ZBTB8A: variants seen among roughly 807,000 people sequenced by gnomAD.
ZBTB8A encodes the protein zinc finger and BTB domain containing 8A.
ZBTB8A carries 19 observed loss-of-function variants against 37.8 expected under a neutral mutation model. That is an observed-to-expected ratio of 0.50 (90% confidence interval 0.35 to 0.74). The LOEUF (loss-of-function observed/expected upper bound fraction) is 0.74, where lower values mean the gene tolerates loss of function less well. ZBTB8A is among the 30% of genes least tolerant of loss of function. The pLI is 0.01. For missense variants in ZBTB8A, 394 were observed against 537.8 expected (o/e 0.73, Z 2.65); for synonymous variants, 181 against 185.2 (o/e 0.98, Z 0.19).
chr1:32,542,013 C>G (rs1416644766), intron 1 of ZBTB8A, among the ~76,000 whole-genome samples: 2 of 152,136 alleles, frequency 1.3e-5, no homozygotes, highest in Non-Finnish European at 2.9e-5. Flanking sequence ...TTTAAACTTA[C>G]AATGTTTTCA....
chr1:32,550,037 C>G (rs1644139167), intron 1 of ZBTB8A, among the ~76,000 whole-genome samples: 1 of 152,114 alleles, frequency 6.6e-6, no homozygotes, highest in African/African-American at 2.4e-5. Flanking sequence ...GGGAAATGTA[C>G]TTTTTAGTTT....
At chr1:32,568,820 T>C (rs1463821072) in intron 2 of ZBTB8A, among the ~76,000 whole-genome samples, 2 of 152,196 alleles carry the variant, frequency 1.3e-5, no homozygotes, top group African/African-American at 2.4e-5. Flanking sequence ...TTGGCTCTAT[T>C]GTTCAGTAGT....
At chr1:32,585,263 C>G (rs1304788653) in intron 2 of ZBTB8A, among the ~76,000 whole-genome samples, 5 of 151,992 alleles carry the variant, frequency 3.3e-5, no homozygotes, top group Admixed American at 6.6e-5. Context: ...ATTCTCCCAA[C>G]TTGGCCTCCC....
intron 2 of ZBTB8A, among the ~76,000 whole-genome samples, chr1:32,586,367 C>T (rs1386103593): frequency 2.0e-5 from 3 of 152,108 alleles, no homozygotes; most frequent in Non-Finnish European, 4.4e-5. Context: ...TTGAATCATT[C>T]ATTCAACAGC....
At chr1:32,585,282 G>A (rs1644439436) in intron 2 of ZBTB8A, among the ~76,000 whole-genome samples, 1 of 151,872 alleles carries the variant, frequency 6.6e-6, no homozygotes, top group South Asian at 2.1e-4. Flanking sequence ...CCAAAGTGCT[G>A]GGATTATAGG....
intron 2 of ZBTB8A, among the ~76,000 whole-genome samples, chr1:32,577,013 C>T (rs904698747): frequency 6.6e-6 from 1 of 151,014 alleles, no homozygotes; most frequent in African/African-American, 2.4e-5. Context: ...GCTGGGATTA[C>T]AGGTGTGCAC....
At chr1:32,561,093 A>G (rs528966607) in intron 2 of ZBTB8A, among the ~76,000 whole-genome samples, 55 of 110,176 alleles carry the variant, frequency 5.0e-4, no homozygotes, top group Admixed American at 1.3e-3. Flanking sequence ...CCCAATGCTT[A>G]CAGGGTCTAA....
intron 2 of ZBTB8A, among the ~76,000 whole-genome samples, chr1:32,592,539 C>T (rs919628729): frequency 5.4e-5 from 8 of 148,366 alleles, no homozygotes; most frequent in South Asian, 2.4e-4. Flanking sequence ...TAGAGTCTTG[C>T]TCTGTGGCCC....
At chr1:32,584,764 C>T (rs1410813101) in intron 2 of ZBTB8A, among the ~76,000 whole-genome samples, 3 of 151,744 alleles carry the variant, frequency 2.0e-5, no homozygotes, top group Non-Finnish European at 4.4e-5. Context: ...AAGTGATCCT[C>T]CCGCCTTGGC....
intron 2 of ZBTB8A, among the ~76,000 whole-genome samples, chr1:32,590,292 C>T (rs1307592805): frequency 6.6e-6 from 1 of 152,000 alleles, no homozygotes; most frequent in African/African-American, 2.4e-5. Flanking sequence ...AATCTGGTCT[C>T]CAGAATCTCA....
At chr1:32,557,385 C>T (rs570009572) in intron 2 of ZBTB8A, among the ~76,000 whole-genome samples, 1 of 152,210 alleles carries the variant, frequency 6.6e-6, no homozygotes, top group African/African-American at 2.4e-5. Flanking sequence ...GCCTTGGATT[C>T]TAGGGCAAAT....
At chr1:32,588,003 T>C (rs1168359231) in intron 2 of ZBTB8A, among the ~76,000 whole-genome samples, 2 of 151,928 alleles carry the variant, frequency 1.3e-5, no homozygotes, top group East Asian at 3.8e-4. Context: ...CATGTGGAGG[T>C]TCCTGGAGGG....
At chr1:32,551,101 G>A (rs1432264419) in intron 1 of ZBTB8A, among the ~76,000 whole-genome samples, 1 of 152,166 alleles carries the variant, frequency 6.6e-6, no homozygotes, top group Non-Finnish European at 1.5e-5. Context: ...TAACTCATTA[G>A]GGCTAGGTGA....
At chr1:32,598,223 ATTTTTTTTTTTTT>A (rs762801492) in intron 4 of ZBTB8A, among the ~76,000 whole-genome samples, 3 of 86,022 alleles carry the variant, frequency 3.5e-5, no homozygotes, top group South Asian at 3.7e-4. Context: ...GCTTTCTTGG[ATTTTTTTTTTTTT>A]TTTTTTTTTT....
chr1:32,558,592 GT>G (rs1557704557), intron 2 of ZBTB8A, among the ~76,000 whole-genome samples: 1 of 152,046 alleles, frequency 6.6e-6, no homozygotes, highest in Non-Finnish European at 1.5e-5. Context: ...TTACTTATTC[GT>G]TTGTTAGTCT....
chr1:32,546,129 G>A (rs964313253), intron 1 of ZBTB8A, among the ~76,000 whole-genome samples: 2 of 152,112 alleles, frequency 1.3e-5, no homozygotes, highest in South Asian at 2.1e-4. Flanking sequence ...GCCAATTTGA[G>A]TATCTGCCCT....
chr1:32,567,817 A>AC (rs1443149006), intron 2 of ZBTB8A, among the ~76,000 whole-genome samples: 1,372 of 37,494 alleles, frequency 0.037, 220 homozygotes, highest in Admixed American at 0.048. Context: ...AAAAAAAAAA[A>AC]AAAAAACAAA....
rs753573244 is a variant in ZBTB8A, at chr1:32,573,738, C to CTTTTT, written c.-1-19174_-1-19170dup. On this transcript the variant is annotated intron_variant, in intron 2 of 4. Coordinates refer to ENST00000373510, the MANE Select transcript of ZBTB8A (RefSeq NM_001040441.3). ...CAAAAGCCACCACACCCAGCTAAAA[C>CTTTTT]TTTTTTTTTTTTTTTTTTTTTTTAA... Among the ~76,000 whole-genome samples, 107 of 95,008 alleles carry CTTTTT rather than the reference C, an allele frequency of 1.1e-3. 2 individuals are homozygous for CTTTTT. The highest frequency in any genetic ancestry group is 4.2e-3 in the African/African-American group (100 of 23,910). 62.3% of individuals were successfully genotyped at this position (95,008 alleles called of 152,430 possible). A position where few individuals can be genotyped will look rare whatever the true frequency, so the allele number is the denominator to read the frequency against.
intron 1 of ZBTB8A, among the ~76,000 whole-genome samples, chr1:32,539,860 G>A (rs1644037362): frequency 6.7e-6 from 1 of 148,740 alleles, no homozygotes; most frequent in South Asian, 2.1e-4. Flanking sequence ...GCGGCGGCGG[G>A]AAGGCGGCGG....
Sources: allele counts gnomAD v4.1 joint callset (sites outside exome capture counted in the v4.1 genomes callset), GRCh38; gene constraint gnomAD v4.1.1; transcripts MANE v1.5; gene names NCBI Gene and HGNC (gene_info 2026-07-23, HGNC 2026-07-21).